The following MTUS2 variants were observed in gnomAD, a reference collection of about 807,000 sequenced individuals.
MTUS2 encodes microtubule-associated tumor suppressor candidate 2.
MTUS2 carries 40 observed loss-of-function variants against 114.1 expected under a neutral mutation model. The observed-to-expected ratio is 0.35, with a 90% CI of 0.27 to 0.46. MTUS2 has a LOEUF of 0.46. Among genes scored for constraint, MTUS2 ranks in the 20% least tolerant of loss-of-function variants. The pLI is 1.00. For missense variants in MTUS2, 1,679 were observed against 1,705.4 expected, an observed-to-expected ratio of 0.98 and a Z score of 0.27; for synonymous variants, 688 against 672.0, an observed-to-expected ratio of 1.02 and a Z score of -0.37.
Position 29,026,317 on chromosome 13 carries a change from C to T in MTUS2, c.1619C>T (p.Thr540Ile), listed in dbSNP as rs953250299. 7 of 1,613,872 alleles carry T rather than the reference C, an allele frequency of 4.3e-6. No individual in the cohort carries two copies. The highest frequency in any genetic ancestry group is 1.3e-5 in the African/African-American group (1 of 74,922). The change falls in exon 3 of 16, where the codon ACA (threonine) becomes ATA (isoleucine). Residue 540 changes from threonine to isoleucine, a missense_variant. By Grantham distance (89) the Thr-to-Ile change is moderately conservative. Coordinates refer to ENST00000612955, the MANE Select transcript of MTUS2 (RefSeq NM_001033602.4). ...ATTCCAGCACCCCTCCACCCAGAGA[C>T]AACTGTGAACATGACCTACCAGCCT... Reference protein sequence around the residue: ...LNIPAPLHPETTVNMTYQPTT... With the variant: ...LNIPAPLHPEITVNMTYQPTT...
chr13:28,829,852 T>C (rs1036581720), intron 1 of MTUS2, among the ~76,000 whole-genome samples: 6 of 152,224 alleles, frequency 3.9e-5, no homozygotes, highest in Non-Finnish European at 8.8e-5. Flanking sequence ...TGATGTAGTC[T>C]TTGGAATCTA....
At chr13:29,487,363 G>A (rs77759556) in intron 10 of MTUS2, 10,749 of 153,906 alleles carry the variant, frequency 0.07, 1,275 homozygotes, top group African/African-American at 0.24. Context: ...TGGGCAAAAC[G>A]TTTCATATTT....
intron 2 of MTUS2, among the ~76,000 whole-genome samples, chr13:28,976,342 C>T (rs1235384812): frequency 6.6e-6 from 1 of 151,848 alleles, no homozygotes; most frequent in Non-Finnish European, 1.5e-5. Flanking sequence ...GAACTGCAAA[C>T]AGTTTGATAT....
chr13:28,878,485 C>G (rs1878094757), intron 2 of MTUS2, among the ~76,000 whole-genome samples: 2 of 152,212 alleles, frequency 1.3e-5, no homozygotes, highest in South Asian at 4.2e-4. Flanking sequence ...GGCTCTCCCT[C>G]CCACCACTGT....
intron 5 of MTUS2, among the ~76,000 whole-genome samples, chr13:29,267,012 G>A (rs924057448): frequency 6.6e-6 from 1 of 152,168 alleles, no homozygotes; most frequent in African/African-American, 2.4e-5. Context: ...CTGAATGACA[G>A]GCACAGGGAG....
At chr13:28,976,085 T>A (rs1275565357) in intron 2 of MTUS2, among the ~76,000 whole-genome samples, 1 of 151,104 alleles carries the variant, frequency 6.6e-6, no homozygotes, top group East Asian at 1.9e-4. Context: ...ACATTTGTAG[T>A]CCCAGCTACT....
intron 5 of MTUS2, among the ~76,000 whole-genome samples, chr13:29,182,623 CGT>C (rs1178183375): frequency 6.6e-6 from 1 of 152,124 alleles, no homozygotes; most frequent in Admixed American, 6.5e-5. Context: ...GAGGAAAAAA[CGT>C]TTGCCTTTGT....
chr13:29,071,572 G>A (rs2138690675), intron 4 of MTUS2, among the ~76,000 whole-genome samples: 1 of 151,104 alleles, frequency 6.6e-6, no homozygotes, highest in Middle Eastern at 3.4e-3. Context: ...GATTACAGGT[G>A]CGTGCCACCA....
chr13:28,922,695 A>G (rs1169004430), intron 2 of MTUS2, among the ~76,000 whole-genome samples: 1 of 152,142 alleles, frequency 6.6e-6, no homozygotes, highest in Non-Finnish European at 1.5e-5. Context: ...GGCCACTGTC[A>G]AGAGATGGGA....
At chr13:29,355,825 T>C (rs1869690887) in intron 7 of MTUS2, among the ~76,000 whole-genome samples, 1 of 152,168 alleles carries the variant, frequency 6.6e-6, no homozygotes, top group Non-Finnish European at 1.5e-5. Context: ...AACAGTTCGG[T>C]AGTGTACTAG....
intron 5 of MTUS2, among the ~76,000 whole-genome samples, chr13:29,153,325 T>G (rs977453790): frequency 6.6e-6 from 1 of 152,162 alleles, no homozygotes; most frequent in Non-Finnish European, 1.5e-5. Flanking sequence ...AACAGAATTT[T>G]TAACTAACCA....
intron 6 of MTUS2, among the ~76,000 whole-genome samples, chr13:29,313,527 G>T (rs934610079): frequency 2.6e-5 from 4 of 152,142 alleles, no homozygotes; most frequent in Admixed American, 2.0e-4. Flanking sequence ...AGATTATATA[G>T]AGAGATAAGA....
At chr13:28,996,367 G>A (rs1188014000) in intron 2 of MTUS2, among the ~76,000 whole-genome samples, 2 of 152,036 alleles carry the variant, frequency 1.3e-5, no homozygotes, top group Non-Finnish European at 2.9e-5. Context: ...TTCTTTTTTT[G>A]TTGTGTCTCT....
At chr13:28,981,979 A>G (rs1221184576) in intron 2 of MTUS2, among the ~76,000 whole-genome samples, 1 of 152,154 alleles carries the variant, frequency 6.6e-6, no homozygotes, top group Non-Finnish European at 1.5e-5. Context: ...TGAATGCCCT[A>G]GGGATTCGCC....
At chr13:29,167,883 A>G (rs1893385056) in intron 5 of MTUS2, among the ~76,000 whole-genome samples, 1 of 152,224 alleles carries the variant, frequency 6.6e-6, no homozygotes, top group Non-Finnish European at 1.5e-5. Flanking sequence ...CAGATATTGT[A>G]TGTATTATTC....
At chr13:29,365,659 G>T (rs1424224894) in intron 8 of MTUS2, among the ~76,000 whole-genome samples, 1 of 152,120 alleles carries the variant, frequency 6.6e-6, no homozygotes, top group South Asian at 2.1e-4. Context: ...AACCTGGTCT[G>T]TAGTAAAAGT....
chr13:29,314,929 A>G (rs150527190), intron 6 of MTUS2, among the ~76,000 whole-genome samples: 106 of 152,370 alleles, frequency 7.0e-4, no homozygotes, highest in Middle Eastern at 6.8e-3. Flanking sequence ...AACCTTGTCC[A>G]TCAACAGATG....
chr13:29,016,596 C>T (rs1015347072), intron 2 of MTUS2, among the ~76,000 whole-genome samples: 2 of 151,978 alleles, frequency 1.3e-5, no homozygotes, highest in Non-Finnish European at 2.9e-5. Flanking sequence ...ATTCTTTCTA[C>T]TCATGTATAT....
At chr13:29,316,724 T>C (rs945181458) in intron 6 of MTUS2, among the ~76,000 whole-genome samples, 2 of 152,200 alleles carry the variant, frequency 1.3e-5, no homozygotes, top group Non-Finnish European at 2.9e-5. Context: ...AATGCAGATA[T>C]GTTACAAACT....
Sources: allele counts gnomAD v4.1 joint callset (sites outside exome capture counted in the v4.1 genomes callset), GRCh38; gene constraint gnomAD v4.1.1; transcripts MANE v1.5; gene names NCBI Gene and HGNC (gene_info 2026-07-23, HGNC 2026-07-21).